The following PXDNL variants were observed in gnomAD, a reference collection of about 807,000 sequenced individuals.
PXDNL encodes peroxidasin like, also known as probable oxidoreductase PXDNL.
In PXDNL, 145 loss-of-function variants were observed where a neutral mutation model predicts 150.8. The observed-to-expected ratio is 0.96, with a 90% CI of 0.84 to 1.10. The LOEUF is 1.10. Among genes scored for constraint, PXDNL ranks in the 50% least tolerant of loss-of-function variants. PXDNL has a pLI of 0.00. For missense variants in PXDNL, 2,087 were observed against 1,873.9 expected, an observed-to-expected ratio of 1.11 and a Z score of -2.10; for synonymous variants, 757 against 725.7, an observed-to-expected ratio of 1.04 and a Z score of -0.69.
At chr8:51,795,800 C>G (rs1249917932) in intron 1 of PXDNL, among the ~76,000 whole-genome samples, 1 of 152,206 alleles carries the variant, frequency 6.6e-6, no homozygotes, top group Non-Finnish European at 1.5e-5. Flanking sequence ...CCACTATTTG[C>G]AACCGTGGCC....
At chr8:51,472,422 G>A (rs1810365363) in intron 7 of PXDNL, 118 bp from the exon 8 acceptor site, 5 of 669,310 alleles carry the variant, frequency 7.5e-6, no homozygotes, top group South Asian at 2.0e-5. Context: ...TTTACACATC[G>A]AACTGCATTT....
Position 51,371,957 on chromosome 8 carries a change from C to A in PXDNL, c.3817G>T (p.Val1273Leu), listed in dbSNP as rs906681124. The A allele has an allele frequency of 3.1e-6, 5 of 1,613,940 alleles. No homozygotes were observed. Among genetic ancestry groups the A allele is most frequent in the Non-Finnish European group, 4.2e-6 (5 of 1,179,878 alleles). ...SIQQVQADVF[V>L]KAEYPQDYLN... ...TAATCCTGTGGGTATTCTGCCTTTA[C>A]AAAGACATCAGCCTGCACTTGCTGA... Residue 1273 changes from valine (V) to leucine (L), a missense_variant, in exon 19 of 23, where the codon GTA becomes TTA. Physicochemically the swap from Val to Leu is conservative, Grantham distance 32. Transcript: ENST00000356297.
intron 20 of PXDNL, among the ~76,000 whole-genome samples, chr8:51,341,843 A>G (rs1805992009): frequency 6.6e-6 from 1 of 152,228 alleles, no homozygotes; most frequent in East Asian, 1.9e-4. Flanking sequence ...AGTGAAGATT[A>G]TACAACGTTG....
intron 1 of PXDNL, among the ~76,000 whole-genome samples, chr8:51,796,292 C>G (rs1470597025): frequency 6.7e-6 from 1 of 149,198 alleles, no homozygotes; most frequent in Non-Finnish European, 1.5e-5. Flanking sequence ...AAAGGAATAA[C>G]CAAGATCAGA....
intron 1 of PXDNL, among the ~76,000 whole-genome samples, chr8:51,713,223 A>G (rs1026163561): frequency 6.6e-6 from 1 of 152,236 alleles, no homozygotes; most frequent in East Asian, 1.9e-4. Context: ...GCTTGCTGCT[A>G]TGCAAAGGCA....
intron 5 of PXDNL, among the ~76,000 whole-genome samples, chr8:51,494,189 A>C (rs1810979818): frequency 6.6e-6 from 1 of 152,212 alleles, no homozygotes; most frequent in African/African-American, 2.4e-5. Flanking sequence ...TAAGCTTCAT[A>C]ACTGAAGGAT....
chr8:51,597,973 C>A (rs1813612190), intron 2 of PXDNL, among the ~76,000 whole-genome samples: 1 of 152,242 alleles, frequency 6.6e-6, no homozygotes, highest in East Asian at 1.9e-4. Context: ...CTTGGCCTCC[C>A]AAAGTACTGG....
At chr8:51,507,800 C>T (rs892344957) in intron 4 of PXDNL, among the ~76,000 whole-genome samples, 1 of 152,098 alleles carries the variant, frequency 6.6e-6, no homozygotes, top group African/African-American at 2.4e-5. Context: ...TGGGGAGGGA[C>T]CAGGGTGTTG....
chr8:51,639,163 G>C (rs1417325475), intron 2 of PXDNL, among the ~76,000 whole-genome samples: 1 of 152,150 alleles, frequency 6.6e-6, no homozygotes, highest in Non-Finnish European at 1.5e-5. Flanking sequence ...GGAGAACAAA[G>C]ACACAACATA....
chr8:51,319,916 G>A lies in PXDNL; in HGVS notation c.4367C>T (p.Pro1456Leu). 6.5e-7 allele frequency: 1 copy of A among 1,549,494 alleles called. No homozygotes were observed. ...TTAGCGCTTCTCTGGGGAATCACTTGGCATTCCTCGGTCTCTGCAAACTGG... is the reference window on the plus strand; with the variant it reads ...TTAGCGCTTCTCTGGGGAATCACTTAGCATTCCTCGGTCTCTGCAAACTGG... ...CCPVCRDRGM[P>L]SDSPEKR Residue 1456 changes from proline to leucine, a missense_variant, in exon 23 of 23, where the codon CCA (proline) becomes CTA (leucine). Pro to Leu is a moderately conservative substitution (Grantham distance 98, BLOSUM62 -3). Coordinates refer to ENST00000356297, the MANE Select transcript of PXDNL (RefSeq NM_144651.5).
chr8:51,488,562 G>A (rs562399698), intron 5 of PXDNL, among the ~76,000 whole-genome samples: 4 of 152,212 alleles, frequency 2.6e-5, no homozygotes, highest in Non-Finnish European at 4.4e-5. Context: ...GAAAAGTAAC[G>A]GAATTTTTGT....
At chr8:51,321,833 C>A (rs968113989) in intron 21 of PXDNL, among the ~76,000 whole-genome samples, 32 of 152,266 alleles carry the variant, frequency 2.1e-4, no homozygotes, top group East Asian at 3.9e-4. Flanking sequence ...AAGCCACACT[C>A]AGTTCTGCCT....
chr8:51,573,266 G>A (rs1812983534), intron 3 of PXDNL, among the ~76,000 whole-genome samples: 1 of 151,924 alleles, frequency 6.6e-6, no homozygotes, highest in African/African-American at 2.4e-5. Flanking sequence ...TGTTGTCAGA[G>A]AAGTAAAGTA....
At chr8:51,653,434 A>G (rs529404076) in intron 2 of PXDNL, among the ~76,000 whole-genome samples, 106 of 152,110 alleles carry the variant, frequency 7.0e-4, no homozygotes, top group Non-Finnish European at 1.2e-3. Context: ...AAAAATAATA[A>G]TAATCAAATG....
chr8:51,443,501 C>T (rs1470088170), intron 12 of PXDNL, among the ~76,000 whole-genome samples: 1 of 152,242 alleles, frequency 6.6e-6, no homozygotes, highest in South Asian at 2.1e-4. Context: ...TATTGACAAG[C>T]ACTAAGAGCT....
intron 17 of PXDNL, among the ~76,000 whole-genome samples, chr8:51,387,436 T>C (rs1207771907): frequency 1.3e-5 from 2 of 152,146 alleles, no homozygotes; most frequent in African/African-American, 4.8e-5. Context: ...ATGAGAGCCA[T>C]GTCTAGAAGA....
chr8:51,611,937 C>T (rs899259642), intron 2 of PXDNL, among the ~76,000 whole-genome samples: 5 of 152,122 alleles, frequency 3.3e-5, no homozygotes, highest in Non-Finnish European at 7.3e-5. Context: ...CAGCTCAGAG[C>T]GGGCTATGGG....
intron 7 of PXDNL, among the ~76,000 whole-genome samples, chr8:51,474,143 C>CA (rs950495225): frequency 6.6e-5 from 10 of 152,002 alleles, no homozygotes; most frequent in African/African-American, 2.4e-4. Flanking sequence ...TAGAGAAATT[C>CA]AAAAAATGGC....
intron 17 of PXDNL, among the ~76,000 whole-genome samples, 157 bp downstream of exon 17, chr8:51,407,910 T>G (rs1808480583): frequency 6.6e-6 from 1 of 152,174 alleles, no homozygotes; most frequent in African/African-American, 2.4e-5. Context: ...CGGTTTCTGG[T>G]GAATCCTTCC....
Sources: allele counts gnomAD v4.1 joint callset (sites outside exome capture counted in the v4.1 genomes callset), GRCh38; gene constraint gnomAD v4.1.1; transcripts MANE v1.5; gene names NCBI Gene and HGNC (gene_info 2026-07-23, HGNC 2026-07-21).